Variants in CR1 observed in about 807,000 individuals in gnomAD.
CR1 encodes complement receptor type 1.
In CR1, 116 loss-of-function variants were observed where a neutral mutation model predicts 187.3. The observed-to-expected ratio is 0.62, with a 90% confidence interval of 0.53 to 0.72. The LOEUF is 0.72. Ranked by LOEUF, CR1 falls within the 30% of genes least tolerant of loss-of-function variation. The pLI, the probability that CR1 is intolerant of heterozygous loss-of-function variation, is 0.00. For synonymous variants in CR1, 576 were observed against 747.1 expected (o/e 0.77, Z 3.73); for missense variants, 1,731 against 2,110.7 (o/e 0.82, Z 3.52).
Position 207,587,434 on chromosome 1 carries a change from C to T in CR1, c.5579C>T (p.Pro1860Leu). The change falls in exon 34 of 47, where the codon CCA becomes CTA. Residue 1860 changes from proline to leucine, a missense_variant. Pro to Leu is a moderately conservative substitution (Grantham distance 98). Transcript: ENST00000367049. Reference sequence around the variant, plus strand: ...TTTCCATTTGCCAGTCCTACGATCCCAATTAATGACTTTGAGTTTCCAGTC... The same window carrying T: ...TTTCCATTTGCCAGTCCTACGATCCTAATTAATGACTTTGAGTTTCCAGTC... Reference protein sequence around the residue: ...EQFPFASPTIPINDFEFPVGT... With the variant: ...EQFPFASPTILINDFEFPVGT... The T allele has an allele frequency of 6.2e-7, 1 of 1,613,898 alleles. No individual in the cohort carries two copies.
intron 23 of CR1, among the ~76,000 whole-genome samples, chr1:207,564,820 C>A (rs1295015468): frequency 2.0e-5 from 3 of 149,986 alleles, no homozygotes; most frequent in East Asian, 3.9e-4. Flanking sequence ...TCATATTTTA[C>A]AAGCAAAAGG....
At chr1:207,510,013 GC>G (rs1659563818) in intron 3 of CR1, among the ~76,000 whole-genome samples, 1 of 152,152 alleles carries the variant, frequency 6.6e-6, no homozygotes, top group Admixed American at 6.5e-5. Flanking sequence ...TTCAAGACCA[GC>G]CTGGTCAATG....
At chr1:207,588,806 G>T in intron 35 of CR1, 32 bp downstream of exon 35, 1 of 1,463,258 alleles carries the variant, frequency 6.8e-7, no homozygotes, top group Non-Finnish European at 9.5e-7. Flanking sequence ...TTGAATATGA[G>T]TTCCAGAACA....
intron 31 of CR1, among the ~76,000 whole-genome samples, chr1:207,580,918 G>T (rs1272657607): frequency 2.0e-5 from 3 of 152,172 alleles, no homozygotes; most frequent in African/African-American, 7.2e-5. Flanking sequence ...CTGAAACAAT[G>T]ATTGGAAAGT....
At chr1:207,566,237 T>C (rs1207503626) in intron 24 of CR1, among the ~76,000 whole-genome samples, 1 of 150,024 alleles carries the variant, frequency 6.7e-6, no homozygotes, top group Non-Finnish European at 1.5e-5. Flanking sequence ...TTTTCTTTCT[T>C]TTTTCTCTTC....
intron 3 of CR1, among the ~76,000 whole-genome samples, chr1:207,508,086 GA>G (rs779458379): frequency 4.6e-5 from 7 of 152,174 alleles, no homozygotes; most frequent in Non-Finnish European, 1.0e-4. Flanking sequence ...TGCCATTCTG[GA>G]AAAGGCAAAA....
At chr1:207,602,918 T>G (rs1232904972) in intron 35 of CR1, among the ~76,000 whole-genome samples, 1 of 151,942 alleles carries the variant, frequency 6.6e-6, no homozygotes, top group Admixed American at 6.6e-5. Context: ...CAAAATCATC[T>G]AGAAAGAAAT....
At chr1:207,596,063 C>A (rs568413466) in intron 35 of CR1, among the ~76,000 whole-genome samples, 1 of 79,168 alleles carries the variant, frequency 1.3e-5, no homozygotes, top group African/African-American at 6.5e-5. Flanking sequence ...CTATATATAT[C>A]TATATCTATA....
At chr1:207,587,594 C>T in intron 34 of CR1, 29 bp downstream of exon 34, 1 of 1,601,784 alleles carries the variant, frequency 6.2e-7, no homozygotes, top group Non-Finnish European at 8.5e-7. Context: ...GGAACTACTT[C>T]ATGTCTGTTA....
At chr1:207,623,410 T>G (rs1414304639) in intron 45 of CR1, among the ~76,000 whole-genome samples, 1 of 152,064 alleles carries the variant, frequency 6.6e-6, no homozygotes, top group Non-Finnish European at 1.5e-5. Flanking sequence ...GGTAAAACCC[T>G]GTCTCTACTA....
At chr1:207,591,162 A>G (rs979881498) in intron 35 of CR1, among the ~76,000 whole-genome samples, 5 of 152,202 alleles carry the variant, frequency 3.3e-5, no homozygotes, top group African/African-American at 9.7e-5. Context: ...TCTTCTCAGC[A>G]CCACATAGCA....
At chr1:207,610,773 CTTTT>C (rs528809009) in intron 37 of CR1, among the ~76,000 whole-genome samples, 65 of 151,854 alleles carry the variant, frequency 4.3e-4, no homozygotes, top group Admixed American at 1.6e-3. Flanking sequence ...GGGGGTTGTT[CTTTT>C]TGTTTATTTT....
rs1343837181 is a variant in CR1 at position 207,568,055 on chromosome 1, T to C, written c.4171+13T>C. The C allele has an allele frequency of 6.2e-7, 1 of 1,610,852 alleles. No homozygotes were observed. The highest frequency in any genetic ancestry group is 2.2e-5 in the East Asian group (1 of 44,874). ...TGTGGAATTCTGGGTTAGTGCTCAT[T>C]TCCCCACATCCCTAATGGGTTCAGA... On this transcript the variant is annotated intron_variant, in intron 25 of 46. Coordinates refer to ENST00000367049, the MANE Select transcript of CR1 (RefSeq NM_000651.6).
intron 1 of CR1, 119 bp downstream of exon 1, chr1:207,496,507 C>A: frequency 1.9e-6 from 2 of 1,069,188 alleles, no homozygotes; most frequent in Non-Finnish European, 2.5e-6. Flanking sequence ...GAAGGCAGCG[C>A]GATGGGTGGG....
chr1:207,504,301 T>C (rs1659362010), intron 1 of CR1, among the ~76,000 whole-genome samples: 2 of 152,174 alleles, frequency 1.3e-5, no homozygotes, highest in Non-Finnish European at 2.9e-5. Context: ...ACAAATAAAG[T>C]AAACAAAGTA....
chr1:207,626,022 G>A (rs1414645147), intron 45 of CR1, among the ~76,000 whole-genome samples: 1 of 152,174 alleles, frequency 6.6e-6, no homozygotes, highest in Admixed American at 6.5e-5. Context: ...TCCTGAGCAA[G>A]GAGAGAGCTA....
intron 35 of CR1, among the ~76,000 whole-genome samples, chr1:207,592,275 C>G (rs1376735924): frequency 6.6e-6 from 1 of 152,210 alleles, no homozygotes; most frequent in African/African-American, 2.4e-5. Context: ...CCCTGAGATA[C>G]AAGGCTGGTT....
intron 38 of CR1, 23 bp downstream of exon 38, chr1:207,611,876 A>T (rs1661942647): frequency 1.9e-6 from 3 of 1,613,734 alleles, no homozygotes; most frequent in Non-Finnish European, 2.5e-6. Flanking sequence ...TCTGGCTTCC[A>T]GATTGCTCTG....
chr1:207,635,016 A>T (rs1020125515), intron 46 of CR1, among the ~76,000 whole-genome samples: 1 of 152,204 alleles, frequency 6.6e-6, no homozygotes, highest in Non-Finnish European at 1.5e-5. Context: ...TTTTCTACTA[A>T]TGTCTCCATT....
Sources: gnomAD v4.1 joint callset for allele counts (sites outside exome capture counted in the v4.1 genomes callset) on GRCh38, gnomAD v4.1.1 for gene constraint, MANE v1.5 for transcripts, NCBI Gene and HGNC (gene_info 2026-07-23, HGNC 2026-07-21) for gene names.